GABRB2: variants seen among roughly 807,000 people sequenced by gnomAD.
GABRB2 encodes the protein gamma-aminobutyric acid type A receptor subunit beta2, also known as gamma-aminobutyric acid receptor subunit beta-2.
GABRB2 carries 16 observed loss-of-function variants against 54.7 expected under a neutral mutation model. The observed-to-expected ratio is 0.29, with a 90% confidence interval of 0.20 to 0.44. The LOEUF (loss-of-function observed/expected upper bound fraction) is 0.44, where lower values mean the gene tolerates loss of function less well. Ranked by LOEUF, GABRB2 falls within the 20% of genes least tolerant of loss-of-function variation. The pLI, the probability that GABRB2 is intolerant of heterozygous loss-of-function variation, is 1.00. For missense variants in GABRB2, 355 were observed against 644.0 expected (o/e 0.55, Z 4.86); for synonymous variants, 244 against 233.8 (o/e 1.04, Z -0.40).
At chr5:161,502,219 A>C (rs1411216437) in intron 3 of GABRB2, among the ~76,000 whole-genome samples, 1 of 152,000 alleles carries the variant, frequency 6.6e-6, no homozygotes, top group Non-Finnish European at 1.5e-5. Context: ...TGAAAAAATA[A>C]AGTTGATTTG....
upstream of GABRB2, among the ~76,000 whole-genome samples, chr5:161,547,528 C>T (rs185428809): frequency 6.6e-6 from 1 of 151,362 alleles, no homozygotes; most frequent in Non-Finnish European, 1.5e-5. Context: ...GTTTTCTCGC[C>T]GTGTGACGTT....
intron 5 of GABRB2, among the ~76,000 whole-genome samples, chr5:161,390,497 T>C (rs1755786254): frequency 6.6e-6 from 1 of 152,010 alleles, no homozygotes; most frequent in Non-Finnish European, 1.5e-5. Flanking sequence ...CTGGATTCCA[T>C]TAGTGGAAAA....
chr5:161,359,095 G>A (rs1240644084), intron 5 of GABRB2, among the ~76,000 whole-genome samples: 1 of 152,034 alleles, frequency 6.6e-6, no homozygotes, highest in Non-Finnish European at 1.5e-5. Context: ...GCACCATTAT[G>A]TGTGACTGTC....
At chr5:161,453,535 T>C (rs1757855324) in intron 4 of GABRB2, among the ~76,000 whole-genome samples, 2 of 152,142 alleles carry the variant, frequency 1.3e-5, no homozygotes, top group African/African-American at 4.8e-5. Flanking sequence ...AAACCTGCCC[T>C]CATCAGACAC....
intron 3 of GABRB2, among the ~76,000 whole-genome samples, chr5:161,488,999 G>C (rs1373960365): frequency 1.3e-5 from 2 of 151,730 alleles, no homozygotes; most frequent in Non-Finnish European, 3.0e-5. Flanking sequence ...TTAGAGATGA[G>C]AGATGCTTTC....
At chr5:161,523,828 AG>A (rs1207550761) in intron 3 of GABRB2, among the ~76,000 whole-genome samples, 1 of 151,354 alleles carries the variant, frequency 6.6e-6, no homozygotes, top group Non-Finnish European at 1.5e-5. Flanking sequence ...GCAGTATAAA[AG>A]CTTCCAGAGA....
At chr5:161,474,047 C>A (rs189023339) in intron 3 of GABRB2, among the ~76,000 whole-genome samples, 3 of 152,088 alleles carry the variant, frequency 2.0e-5, no homozygotes, top group African/African-American at 7.2e-5. Context: ...AAAGCCCAGC[C>A]ATGCAAAGCT....
chr5:161,515,198 T>C (rs749143373), intron 3 of GABRB2, among the ~76,000 whole-genome samples: 1 of 152,092 alleles, frequency 6.6e-6, no homozygotes, highest in Middle Eastern at 3.2e-3. Context: ...TTCTTATCAT[T>C]CCCACATTAA....
upstream of GABRB2, chr5:161,547,777 A>T (rs1010349939): frequency 1.2e-4 from 18 of 152,142 alleles, no homozygotes; most frequent in African/African-American, 4.1e-4. Context: ...CAGGAAGGGC[A>T]GGTGGCCGGG....
chr5:161,418,903 GA>G (rs1756762546), intron 4 of GABRB2, among the ~76,000 whole-genome samples: 1 of 152,114 alleles, frequency 6.6e-6, no homozygotes, highest in African/African-American at 2.4e-5. Context: ...GAGGAGGGCA[GA>G]TTGCTTGAGC....
chr5:161,502,856 C>T (rs1324721837), intron 3 of GABRB2, among the ~76,000 whole-genome samples: 2 of 152,122 alleles, frequency 1.3e-5, no homozygotes, highest in Non-Finnish European at 2.9e-5. Context: ...ACAGAAATCT[C>T]CATAAGGTTT....
At chr5:161,521,269 C>T (rs1203297252) in intron 3 of GABRB2, among the ~76,000 whole-genome samples, 1 of 151,940 alleles carries the variant, frequency 6.6e-6, no homozygotes, top group Non-Finnish European at 1.5e-5. Flanking sequence ...CTCCACCACT[C>T]TTTATTCCTA....
At chr5:161,452,355 T>G (rs1475690637) in intron 4 of GABRB2, among the ~76,000 whole-genome samples, 1 of 152,204 alleles carries the variant, frequency 6.6e-6, no homozygotes, top group Admixed American at 6.5e-5. Context: ...TAGCAATCAT[T>G]TAAATGAGTG....
chr5:161,309,130 C>T (rs557512879), intron 9 of GABRB2, among the ~76,000 whole-genome samples: 5 of 150,956 alleles, frequency 3.3e-5, no homozygotes, highest in Non-Finnish European at 7.4e-5. Flanking sequence ...TAATATCCAG[C>T]ATCTATAAGA....
chr5:161,404,861 T>C (rs17521304), intron 5 of GABRB2, among the ~76,000 whole-genome samples: 24,744 of 152,122 alleles, frequency 0.16, 2,581 homozygotes, highest in Non-Finnish European at 0.24. Flanking sequence ...TACATATTTT[T>C]GCTTGTGCCA....
intron 5 of GABRB2, among the ~76,000 whole-genome samples, chr5:161,394,100 A>G (rs548946459): frequency 6.6e-6 from 1 of 152,102 alleles, no homozygotes; most frequent in Non-Finnish European, 1.5e-5. Context: ...GAAGTAAAAC[A>G]ATACATTTCC....
At chr5:161,369,321 TA>T (rs1476864769) in intron 5 of GABRB2, among the ~76,000 whole-genome samples, 6 of 152,218 alleles carry the variant, frequency 3.9e-5, no homozygotes, top group Admixed American at 3.9e-4. Context: ...ACTCTTTTTC[TA>T]AAAATAATAT....
chr5:161,451,802 A>G (rs1269144501), intron 4 of GABRB2, among the ~76,000 whole-genome samples: 2 of 152,182 alleles, frequency 1.3e-5, no homozygotes, highest in Non-Finnish European at 2.9e-5. Context: ...TGTTTTCATA[A>G]TAAACTACAT....
chr5:161,463,082 C>G (rs1261852271), intron 3 of GABRB2, among the ~76,000 whole-genome samples: 1 of 151,834 alleles, frequency 6.6e-6, no homozygotes, highest in Non-Finnish European at 1.5e-5. Flanking sequence ...AAAACTAAAG[C>G]CAATTGATTT....
Sources: allele counts gnomAD v4.1 joint callset (sites outside exome capture counted in the v4.1 genomes callset), GRCh38; gene constraint gnomAD v4.1.1; transcripts MANE v1.5; gene names NCBI Gene and HGNC (gene_info 2026-07-23, HGNC 2026-07-21).